Variants in RAB3C observed in about 807,000 individuals in gnomAD.
RAB3C encodes the protein ras-related protein Rab-3C.
RAB3C carries 17 observed loss-of-function variants against 26.4 expected under a neutral mutation model. The ratio of observed to expected loss-of-function variants is 0.64; its 90% CI spans 0.44 to 0.97. RAB3C has a LOEUF of 0.97. Ranked by LOEUF, RAB3C falls within the 50% of genes least tolerant of loss-of-function variation. The pLI is 0.00. For synonymous variants in RAB3C, 91 were observed against 95.9 expected (o/e 0.95, Z 0.30); for missense variants, 242 against 281.9 (o/e 0.86, Z 1.01).
At chr5:58,661,926 G>A (rs1273146968) in intron 2 of RAB3C, among the ~76,000 whole-genome samples, 1 of 149,854 alleles carries the variant, frequency 6.7e-6, no homozygotes, top group Non-Finnish European at 1.5e-5. Flanking sequence ...TTTTTAGTGT[G>A]AGCAGGAAAA....
intron 4 of RAB3C, among the ~76,000 whole-genome samples, chr5:58,845,555 G>A (rs114087355): frequency 0.062 from 8,898 of 143,710 alleles, 384 homozygotes; most frequent in East Asian, 0.13. Context: ...ATCTCTAAGG[G>A]CAACGTACAT....
intron 1 of RAB3C, among the ~76,000 whole-genome samples, chr5:58,599,088 G>T (rs1267318736): frequency 1.3e-5 from 2 of 152,244 alleles, no homozygotes; most frequent in African/African-American, 2.4e-5. Context: ...TTCATGAGTA[G>T]CAAAGGAGCA....
At chr5:58,642,515 T>G (rs1317029339) in intron 2 of RAB3C, among the ~76,000 whole-genome samples, 1 of 152,170 alleles carries the variant, frequency 6.6e-6, no homozygotes, top group Non-Finnish European at 1.5e-5. Flanking sequence ...TCAATAAAAT[T>G]TTAAGCATTA....
At chr5:58,590,220 T>C (rs533414143) in intron 1 of RAB3C, among the ~76,000 whole-genome samples, 1 of 152,332 alleles carries the variant, frequency 6.6e-6, no homozygotes, top group South Asian at 2.1e-4. Context: ...ATTGTGTTTT[T>C]CACTTCATTT....
At position 58,854,437 on chromosome 5, in the gene RAB3C, A is replaced by G. The variant is rs1372473321; in HGVS notation, c.*3086A>G. 1 of 152,208 alleles carries G rather than the reference A, an allele frequency of 6.6e-6. No individual in the cohort carries two copies. Among genetic ancestry groups the G allele is most frequent in the African/African-American group, 2.4e-5 (1 of 41,452 alleles). 9.4% of individuals were successfully genotyped at this position (152,208 alleles called of 1,614,324 possible). A position where few individuals can be genotyped will look rare whatever the true frequency, so the allele number is the denominator to read the frequency against. Reference sequence around the variant, plus strand: ...TTATTTGACTTAAATAGCCATCCTCAGAGTGAATCAGCATTTCAGTTTTTG... The same window carrying G: ...TTATTTGACTTAAATAGCCATCCTCGGAGTGAATCAGCATTTCAGTTTTTG... On this transcript the variant is annotated 3_prime_UTR_variant, in exon 5 of 5. Transcript: ENST00000282878.
intron 2 of RAB3C, among the ~76,000 whole-genome samples, chr5:58,633,052 C>A (rs1363076415): frequency 6.6e-6 from 1 of 152,160 alleles, no homozygotes. Flanking sequence ...TTGGCATTTC[C>A]CACAGTGATT....
chr5:58,757,398 T>G (rs1336977272), intron 3 of RAB3C, among the ~76,000 whole-genome samples: 1 of 152,056 alleles, frequency 6.6e-6, no homozygotes, highest in Non-Finnish European at 1.5e-5. Flanking sequence ...TTTCTGACAT[T>G]GACTTTTTTT....
At chr5:58,847,883 T>C (rs1375946769) in intron 4 of RAB3C, among the ~76,000 whole-genome samples, 2 of 151,670 alleles carry the variant, frequency 1.3e-5, no homozygotes, top group Non-Finnish European at 2.9e-5. Flanking sequence ...TGAGATGGAG[T>C]CTCGCTCTGT....
intron 2 of RAB3C, among the ~76,000 whole-genome samples, chr5:58,633,332 C>A (rs919691134): frequency 1.3e-5 from 2 of 152,054 alleles, no homozygotes; most frequent in Admixed American, 1.3e-4. Context: ...TTAGAGATGG[C>A]AGATCTTATG....
intron 1 of RAB3C, among the ~76,000 whole-genome samples, chr5:58,605,998 G>A (rs1057393343): frequency 6.6e-6 from 1 of 152,196 alleles, no homozygotes; most frequent in Non-Finnish European, 1.5e-5. Flanking sequence ...GAAGACGGGT[G>A]ATTTCTGCAT....
chr5:58,672,880 A>G (rs1267679316), intron 2 of RAB3C, among the ~76,000 whole-genome samples: 4 of 152,186 alleles, frequency 2.6e-5, no homozygotes, highest in Admixed American at 2.0e-4. Context: ...AGCCACATTT[A>G]TATGCTAGGA....
chr5:58,834,474 A>G (rs1743691162), intron 4 of RAB3C, among the ~76,000 whole-genome samples: 1 of 152,254 alleles, frequency 6.6e-6, no homozygotes, highest in Non-Finnish European at 1.5e-5. Context: ...CCTAAAGCCT[A>G]TTTTTAAAAC....
At chr5:58,617,957 T>C (rs969882425) in intron 2 of RAB3C, 87 bp downstream of exon 2, 12 of 782,672 alleles carry the variant, frequency 1.5e-5, no homozygotes, top group Non-Finnish European at 2.3e-5. Context: ...CCTTGTTCTA[T>C]CCCCAGGGCA....
At chr5:58,696,295 C>A (rs1259740035) in intron 2 of RAB3C, among the ~76,000 whole-genome samples, 1 of 152,172 alleles carries the variant, frequency 6.6e-6, no homozygotes, top group Admixed American at 6.5e-5. Context: ...GGTGGATAAG[C>A]TTTTTGATGT....
At chr5:58,747,126 T>A (rs1741417831) in intron 3 of RAB3C, among the ~76,000 whole-genome samples, 1 of 152,216 alleles carries the variant, frequency 6.6e-6, no homozygotes, top group South Asian at 2.1e-4. Context: ...TTTCTAACAT[T>A]ATTTCTGACC....
At chr5:58,826,353 A>C (rs1743477261) in intron 4 of RAB3C, among the ~76,000 whole-genome samples, 1 of 152,202 alleles carries the variant, frequency 6.6e-6, no homozygotes, top group Non-Finnish European at 1.5e-5. Flanking sequence ...ATGCATGGAC[A>C]TTGAGATGAG....
At chr5:58,693,838 C>G (rs1049189762) in intron 2 of RAB3C, among the ~76,000 whole-genome samples, 3 of 152,206 alleles carry the variant, frequency 2.0e-5, no homozygotes, top group Non-Finnish European at 2.9e-5. Context: ...AATGAAAAGC[C>G]AGAGTCACAG....
intron 3 of RAB3C, among the ~76,000 whole-genome samples, chr5:58,786,564 T>C (rs1423941470): frequency 1.3e-5 from 2 of 152,170 alleles, no homozygotes; most frequent in South Asian, 2.1e-4. Context: ...GGTTCTTCCA[T>C]GCTCTGTGTA....
intron 3 of RAB3C, among the ~76,000 whole-genome samples, chr5:58,759,281 A>G (rs1741743324): frequency 6.6e-6 from 1 of 152,186 alleles, no homozygotes; most frequent in Non-Finnish European, 1.5e-5. Flanking sequence ...AGTGGACAGA[A>G]AGCCTTTCTG....
Sources: gnomAD v4.1 joint callset for allele counts (sites outside exome capture counted in the v4.1 genomes callset) on GRCh38, gnomAD v4.1.1 for gene constraint, MANE v1.5 for transcripts, NCBI Gene and HGNC (gene_info 2026-07-23, HGNC 2026-07-21) for gene names.